Variants in EPC2 observed in about 807,000 individuals in gnomAD.
EPC2 encodes enhancer of polycomb homolog 2.
In EPC2, 14 loss-of-function variants were observed where a neutral mutation model predicts 92.1. The ratio of observed to expected loss-of-function variants is 0.15; its 90% CI spans 0.10 to 0.24. EPC2 has a LOEUF of 0.24. Ranked by LOEUF, EPC2 falls within the 10% of genes least tolerant of loss-of-function variation. The pLI, the probability that EPC2 is intolerant of heterozygous loss-of-function variation, is 1.00. For synonymous variants in EPC2, 340 were observed against 334.7 expected (o/e 1.02, Z -0.17); for missense variants, 755 against 971.5 (o/e 0.78, Z 2.96).
At chr2:148,736,692 C>T (rs539340128) in intron 2 of EPC2, among the ~76,000 whole-genome samples, 6 of 152,188 alleles carry the variant, frequency 3.9e-5, no homozygotes, top group African/African-American at 1.2e-4. Context: ...TTTTTTTCCA[C>T]ACTTACTTTT....
At chr2:148,672,045 T>C (rs962835405) in intron 1 of EPC2, among the ~76,000 whole-genome samples, 2 of 152,220 alleles carry the variant, frequency 1.3e-5, no homozygotes, top group African/African-American at 4.8e-5. Context: ...TCTTGAAATG[T>C]TTGGTAAAAT....
At chr2:148,728,013 TCTCA>T (rs1682532587) in intron 2 of EPC2, among the ~76,000 whole-genome samples, 1 of 151,974 alleles carries the variant, frequency 6.6e-6, no homozygotes, top group South Asian at 2.1e-4. Context: ...TGAGACAGAG[TCTCA>T]CTCACTTCAT....
intron 13 of EPC2, among the ~76,000 whole-genome samples, chr2:148,785,887 C>A (rs1683857026): frequency 6.6e-6 from 1 of 151,934 alleles, no homozygotes; most frequent in South Asian, 2.1e-4. Context: ...AATACATGAT[C>A]TTAAGCCTAT....
chr2:148,752,095 A>G (rs950118030), intron 3 of EPC2, among the ~76,000 whole-genome samples: 1 of 152,190 alleles, frequency 6.6e-6, no homozygotes, highest in East Asian at 1.9e-4. Context: ...GAGCATAAGA[A>G]GCAATGTTAA....
At chr2:148,757,974 AAC>A (rs1005639054) in intron 4 of EPC2, among the ~76,000 whole-genome samples, 75 of 152,314 alleles carry the variant, frequency 4.9e-4, no homozygotes, top group African/African-American at 1.6e-3. Flanking sequence ...ATAAGCCTGG[AAC>A]ACACAGTTTA....
At chr2:148,673,653 G>A (rs894067851) in intron 1 of EPC2, among the ~76,000 whole-genome samples, 4 of 151,894 alleles carry the variant, frequency 2.6e-5, no homozygotes, top group African/African-American at 7.3e-5. Context: ...GTGCGATCTC[G>A]GCTCACTGCA....
intron 2 of EPC2, among the ~76,000 whole-genome samples, chr2:148,698,829 CTTT>C (rs56852195): frequency 2.1e-5 from 3 of 141,026 alleles, no homozygotes; most frequent in Non-Finnish European, 3.0e-5. Flanking sequence ...ATTTTCTTCC[CTTT>C]TTTTTTTTTA....
At chr2:148,755,298 C>T (rs756824605) in intron 4 of EPC2, among the ~76,000 whole-genome samples, 6 of 151,748 alleles carry the variant, frequency 4.0e-5, no homozygotes, top group African/African-American at 7.3e-5. Flanking sequence ...AAGACTGAAA[C>T]AAGATAAGTT....
intron 2 of EPC2, among the ~76,000 whole-genome samples, chr2:148,740,854 A>G (rs989175884): frequency 3.3e-5 from 5 of 152,178 alleles, no homozygotes; most frequent in African/African-American, 1.2e-4. Context: ...TGCTGTTAGT[A>G]TGTGGATTAA....
intron 2 of EPC2, among the ~76,000 whole-genome samples, chr2:148,713,991 C>A (rs1459655370): frequency 2.6e-5 from 4 of 152,060 alleles, no homozygotes; most frequent in African/African-American, 9.7e-5. Context: ...CTGCACAGAT[C>A]ATTCCATCAC....
At chr2:148,711,109 T>G (rs1682134470) in intron 2 of EPC2, among the ~76,000 whole-genome samples, 2 of 152,152 alleles carry the variant, frequency 1.3e-5, no homozygotes, top group Non-Finnish European at 2.9e-5. Context: ...TCTCCTCTTT[T>G]TTTTTCTTCA....
chr2:148,671,012 A>G (rs1026626102), intron 1 of EPC2, among the ~76,000 whole-genome samples: 4 of 152,130 alleles, frequency 2.6e-5, no homozygotes, highest in Non-Finnish European at 5.9e-5. Context: ...TGACTAATAC[A>G]TGAACAATTT....
Position 148,769,148 on chromosome 2 carries a change from T to G in EPC2, c.1141-3T>G. 1 of 1,607,824 alleles carries G rather than the reference T, an allele frequency of 6.2e-7. No individual in the cohort carries two copies. The highest frequency in any genetic ancestry group is 8.5e-7 in the Non-Finnish European group (1 of 1,175,698). On this transcript the variant is annotated splice_polypyrimidine_tract_variant and splice_region_variant and intron_variant, in intron 7 of 13. Coordinates refer to ENST00000258484, the MANE Select transcript of EPC2 (RefSeq NM_015630.4). ...TTCTAAATGGAATGCCTCTTTTGTCTAGGTATTGTCCCCAGTATCAGAACC... is the reference window on the plus strand; with the variant it reads ...TTCTAAATGGAATGCCTCTTTTGTCGAGGTATTGTCCCCAGTATCAGAACC...
intron 7 of EPC2, among the ~76,000 whole-genome samples, chr2:148,765,922 G>A (rs1250189513): frequency 2.6e-5 from 4 of 152,064 alleles, no homozygotes; most frequent in Non-Finnish European, 4.4e-5. Flanking sequence ...TGTAGTCCCC[G>A]CTACTCCTGA....
At chr2:148,750,102 CT>C (rs1210782215) in intron 3 of EPC2, among the ~76,000 whole-genome samples, 5 of 151,860 alleles carry the variant, frequency 3.3e-5, no homozygotes, top group East Asian at 3.9e-4. Flanking sequence ...TTGAAGAGAT[CT>C]TTTTTTTCTG....
At chr2:148,749,813 A>G (rs537796456) in intron 3 of EPC2, among the ~76,000 whole-genome samples, 1 of 152,162 alleles carries the variant, frequency 6.6e-6, no homozygotes, top group Admixed American at 6.5e-5. Flanking sequence ...ATGTGTGTGT[A>G]CATGTATTTT....
chr2:148,694,498 GC>G (rs1055764251), intron 2 of EPC2, among the ~76,000 whole-genome samples: 48 of 152,196 alleles, frequency 3.2e-4, no homozygotes, highest in African/African-American at 1.1e-3. Flanking sequence ...TGTGCCACAT[GC>G]AGAAAAAAAC....
At chr2:148,726,219 C>A (rs1236056953) in intron 2 of EPC2, among the ~76,000 whole-genome samples, 1 of 152,120 alleles carries the variant, frequency 6.6e-6, no homozygotes, top group Non-Finnish European at 1.5e-5. Context: ...GGGTTGCTTC[C>A]ACTTCTTAGC....
chr2:148,765,347 C>G (rs1178094817), intron 7 of EPC2, among the ~76,000 whole-genome samples: 1 of 152,076 alleles, frequency 6.6e-6, no homozygotes, highest in Non-Finnish European at 1.5e-5. Flanking sequence ...AGAATTTACT[C>G]TTTTGTGGAG....
Sources: allele counts gnomAD v4.1 joint callset (sites outside exome capture counted in the v4.1 genomes callset), GRCh38; gene constraint gnomAD v4.1.1; transcripts MANE v1.5; gene names NCBI Gene and HGNC (gene_info 2026-07-23, HGNC 2026-07-21).